The following SGPL1 variants were observed in gnomAD, a reference collection of about 807,000 sequenced individuals.
SGPL1 encodes the protein SP-lyase 1.
SGPL1 carries 37 observed loss-of-function variants against 68.9 expected under a neutral mutation model. The observed-to-expected ratio is 0.54, with a 90% confidence interval of 0.41 to 0.71. The LOEUF (loss-of-function observed/expected upper bound fraction) is 0.71, where lower values mean the gene tolerates loss of function less well. Among genes scored for constraint, SGPL1 ranks in the 30% least tolerant of loss-of-function variants. The pLI is 0.00. For missense variants in SGPL1, 551 were observed against 704.6 expected, an observed-to-expected ratio of 0.78 and a Z score of 2.47; for synonymous variants, 236 against 248.5, an observed-to-expected ratio of 0.95 and a Z score of 0.47.
chr10:70,872,034 T>C, intron 11 of SGPL1, 48 bp downstream of exon 11: 1 of 1,562,216 alleles, frequency 6.4e-7, no homozygotes, highest in Non-Finnish European at 8.7e-7. Context: ...ATTTTGACTA[T>C]TATTGATAAA....
chr10:70,829,144 T>G (rs896128435), intron 2 of SGPL1, among the ~76,000 whole-genome samples: 24 of 152,206 alleles, frequency 1.6e-4, no homozygotes, highest in African/African-American at 5.8e-4. Context: ...TCTGTTTGGA[T>G]GACTGAAAAC....
In SGPL1 at chr10:70,876,401, A is replaced by T. The variant is rs1846386138; in HGVS notation, c.1446-140A>T. 4.2e-6 allele frequency: 3 copies of T among 721,460 alleles called. No individual in the cohort carries two copies. In the South Asian group the frequency reaches 5.7e-5, roughly 14 times the overall value. The allele number at this position is 721,460 out of a possible 1,614,324, so 44.7% of individuals were successfully genotyped here. On this transcript the variant is annotated intron_variant, in intron 13 of 14. Coordinates refer to ENST00000373202, the MANE Select transcript of SGPL1 (RefSeq NM_003901.4). Reference sequence around the variant, plus strand: ...GCATGAGAGAGCCGAGATTCCCAGGACTAGGAACAACTTGGATGACTACAC... The same window carrying T: ...GCATGAGAGAGCCGAGATTCCCAGGTCTAGGAACAACTTGGATGACTACAC...
Position 70,877,254 on chromosome 10 carries a change from C to T in SGPL1, c.1626C>T (p.Ser542=), listed in dbSNP as rs1261776099. The T allele has an allele frequency of 1.9e-6, 3 of 1,614,106 alleles. No individual in the cohort carries two copies. The highest frequency in any genetic ancestry group is 1.7e-5 in the Admixed American group (1 of 60,024). ...TVDRNMVAEL[S]SVFLDSLYST... ...ACAGGAATATGGTTGCAGAATTGTC[C>T]TCAGTCTTCTTGGACAGCTTGTACA... Residue 542 remains serine, a synonymous_variant, in exon 15 of 15, where the codon TCC becomes TCT. Coordinates refer to ENST00000373202, the MANE Select transcript of SGPL1 (RefSeq NM_003901.4).
intron 2 of SGPL1, among the ~76,000 whole-genome samples, chr10:70,829,831 A>G (rs992274123): frequency 2.6e-5 from 4 of 152,194 alleles, no homozygotes; most frequent in Non-Finnish European, 5.9e-5. Flanking sequence ...TCAGGGGAAT[A>G]CTCAAAGGTC....
intron 7 of SGPL1, among the ~76,000 whole-genome samples, chr10:70,862,745 C>T (rs1257198608): frequency 6.6e-6 from 1 of 151,968 alleles, no homozygotes; most frequent in Non-Finnish European, 1.5e-5. Context: ...CCTGAGCCAG[C>T]GAGACCACGA....
intron 2 of SGPL1, among the ~76,000 whole-genome samples, chr10:70,824,723 A>G (rs937025696): frequency 9.6e-4 from 146 of 152,314 alleles, no homozygotes; most frequent in African/African-American, 3.4e-3. Context: ...AAGCATTTCA[A>G]AAGCATAATG....
chr10:70,828,064 G>C (rs1845466521), intron 2 of SGPL1, among the ~76,000 whole-genome samples: 1 of 152,020 alleles, frequency 6.6e-6, no homozygotes, highest in Non-Finnish European at 1.5e-5. Flanking sequence ...CTAGTTTTTT[G>C]GCTATTGTGA....
At chr10:70,834,004 C>T (rs1845586331) in intron 2 of SGPL1, among the ~76,000 whole-genome samples, 1 of 152,110 alleles carries the variant, frequency 6.6e-6, no homozygotes, top group African/African-American at 2.4e-5. Flanking sequence ...CGTGACTGGG[C>T]CCTGACTTTT....
rs765449448 is a variant in SGPL1, at chr10:70,875,536, A to C, written c.1433A>C (p.Gln478Pro). The C allele has an allele frequency of 1.9e-6, 3 of 1,609,552 alleles. No homozygotes were observed. The highest frequency in any genetic ancestry group is 8.5e-7 in the Non-Finnish European group (1 of 1,177,818). ...AAGGGGTGGAACTTGAACCAGTTGC[A>C]GTTCCCACCCAGGTAAGCTTGAAGA... The part of the protein sequence containing the change: ...TAKGWNLNQL[Q>P]FPPSIHFCIT... The change falls in exon 13 of 15, where the codon CAG becomes CCG. Residue 478 changes from glutamine (Q) to proline (P), a missense_variant. Coordinates refer to ENST00000373202, the MANE Select transcript of SGPL1 (RefSeq NM_003901.4).
intron 2 of SGPL1, among the ~76,000 whole-genome samples, chr10:70,837,436 C>T (rs1845643571): frequency 6.6e-6 from 1 of 152,104 alleles, no homozygotes; most frequent in Admixed American, 6.5e-5. Context: ...GTTGTCTTGG[C>T]CTCTTTTTCT....
chr10:70,857,427 C>T, intron 5 of SGPL1, 187 bp from the exon 6 acceptor site: 1 of 512,730 alleles, frequency 2.0e-6, no homozygotes, highest in Non-Finnish European at 3.5e-6. Flanking sequence ...AATGATTTTT[C>T]ATCTTTATTT....
At position 70,816,793 on chromosome 10, in the gene SGPL1, C is replaced by T; in HGVS notation, c.-43-18C>T. 2 of 1,566,740 alleles carry T rather than the reference C, an allele frequency of 1.3e-6. No individual in the cohort carries two copies. The highest frequency in any genetic ancestry group is 2.2e-5 in the East Asian group (1 of 44,630). ...GTTTAAAGCTCTAGAAGTAAACAAA[C>T]CTGGTTCCCTTTTACAGAGTCTGAA... On this transcript the variant is annotated intron_variant, in intron 1 of 14. Coordinates refer to ENST00000373202, the MANE Select transcript of SGPL1 (RefSeq NM_003901.4).
chr10:70,826,752 TG>T (rs1168387425), intron 2 of SGPL1, among the ~76,000 whole-genome samples: 6 of 152,130 alleles, frequency 3.9e-5, no homozygotes, highest in Non-Finnish European at 8.8e-5. Context: ...AAGTTTAGTT[TG>T]TTTTTTTTTA....
rs1352914077 is a variant in SGPL1 at position 70,844,544 on chromosome 10, T to C, written c.99T>C (p.His33=). The C allele has an allele frequency of 6.2e-7, 1 of 1,613,992 alleles. No homozygotes were observed. The highest frequency in any genetic ancestry group is 8.5e-7 in the Non-Finnish European group (1 of 1,179,984). ...STKAKNYVNG[H]CTKYEPWQLI... ...AAGCCAAGAATTATGTAAATGGACA[T>C]TGCACCAAGTATGAGCCCTGGCAGC... Residue 33 remains histidine, a synonymous_variant, in exon 3 of 15, where the codon CAT becomes CAC. Coordinates refer to ENST00000373202, the MANE Select transcript of SGPL1 (RefSeq NM_003901.4).
intron 13 of SGPL1, 87 bp downstream of exon 13, chr10:70,875,635 G>T: frequency 9.6e-7 from 1 of 1,043,312 alleles, no homozygotes. Flanking sequence ...TATAGAGTTT[G>T]ACTGCTAGAG....
Position 70,873,608 on chromosome 10 carries a change from G to C in SGPL1, c.1298+19G>C. 8 of 1,574,128 alleles carry C rather than the reference G, an allele frequency of 5.1e-6. No individual in the cohort carries two copies. Among genetic ancestry groups the C allele is most frequent in the Non-Finnish European group, 7.0e-6 (8 of 1,143,706 alleles). ...AGTCAGAGTATGTGTGGAAGACTGG[G>C]GTTCTGCCTTGTCTATTGCTTTTTT... On this transcript the variant is annotated intron_variant, in intron 12 of 14. Transcript: ENST00000373202.
At chr10:70,829,089 G>A (rs2131858145) in intron 2 of SGPL1, among the ~76,000 whole-genome samples, 1 of 152,116 alleles carries the variant, frequency 6.6e-6, no homozygotes, top group East Asian at 1.9e-4. Context: ...TTCTGAAAAT[G>A]TTTTCAAATG....
chr10:70,844,362 A>G (rs578261828), intron 2 of SGPL1, 111 bp from the exon 3 acceptor site: 911 of 927,288 alleles, frequency 9.8e-4, no homozygotes, highest in Non-Finnish European at 1.3e-3. Context: ...GAAGAAGGGC[A>G]AGATCCGGAA....
chr10:70,854,774 A>C lies in SGPL1; in HGVS notation c.328A>C (p.Lys110Gln). Residue 110 changes from lysine (K) to glutamine (Q), a missense_variant, in exon 5 of 15, where the codon AAA becomes CAA. By Grantham distance (53) the Lys-to-Gln change is moderately conservative (BLOSUM62 1). Transcript: ENST00000373202. ...GAACATGTCATTCCTGAAAGTGGAC[A>C]AAGAGTATGTGAAAGCTTTACCCTC... ...SKNMSFLKVD[K>Q]EYVKALPSQG... 6.2e-7 allele frequency: 1 copy of C among 1,614,032 alleles called. No homozygotes were observed. Among genetic ancestry groups the C allele is most frequent in the Non-Finnish European group, 8.5e-7 (1 of 1,179,938 alleles).
Sources: gnomAD v4.1 joint callset for allele counts (sites outside exome capture counted in the v4.1 genomes callset) on GRCh38, gnomAD v4.1.1 for gene constraint, MANE v1.5 for transcripts, NCBI Gene and HGNC (gene_info 2026-07-23, HGNC 2026-07-21) for gene names.